Variants in CLEC16A observed in about 807,000 individuals in gnomAD.
The protein encoded by CLEC16A is C-type lectin domain containing 16A.
In CLEC16A, 51 loss-of-function variants were observed where a neutral mutation model predicts 109.5. The observed-to-expected ratio is 0.47, with a 90% CI of 0.37 to 0.59. CLEC16A has a LOEUF of 0.59. Ranked by LOEUF, CLEC16A falls within the 20% of genes least tolerant of loss-of-function variation. The pLI is 0.00. For synonymous variants in CLEC16A, 673 were observed against 564.2 expected, an observed-to-expected ratio of 1.19 and a Z score of -2.73; for missense variants, 1,339 against 1,394.0, an observed-to-expected ratio of 0.96 and a Z score of 0.63.
chr16:11,162,107 A>T lies in CLEC16A; in HGVS notation c.2642-4281A>T, dbSNP rs2092166699. On this transcript the variant is annotated intron_variant, in intron 22 of 23. Transcript: ENST00000409790. ...AATAGAAGACTGACCTTTTCTTGGTATTTTTGTGCTTCACAAATGCCAGAG... is the reference window on the plus strand; with the variant it reads ...AATAGAAGACTGACCTTTTCTTGGTTTTTTTGTGCTTCACAAATGCCAGAG... Among the ~76,000 whole-genome samples the T allele has an allele frequency of 2.0e-5, 3 of 152,196 alleles. 1 individual carries two copies. The South Asian group carries it at 6.2e-4, about 31-fold the overall frequency.
chr16:11,041,951 G>A (rs1362332352), intron 14 of CLEC16A: 5 of 295,940 alleles, frequency 1.7e-5, no homozygotes, highest in South Asian at 1.1e-4. Context: ...AAGGAAGTGG[G>A]GGTGCAGGGC....
At chr16:10,977,764 T>G (rs1293862773) in intron 8 of CLEC16A, among the ~76,000 whole-genome samples, 1 of 152,174 alleles carries the variant, frequency 6.6e-6, no homozygotes, top group East Asian at 1.9e-4. Context: ...GTGATACACC[T>G]GCCTGGGCCT....
chr16:10,986,040 TTTTTTTTTG>T (rs1423716481), intron 10 of CLEC16A, among the ~76,000 whole-genome samples: 59 of 53,586 alleles, frequency 1.1e-3, no homozygotes, highest in East Asian at 4.1e-3. Context: ...TTTTTTTTTT[TTTTTTTTTG>T]AGACTGAGTC....
intron 22 of CLEC16A, among the ~76,000 whole-genome samples, chr16:11,133,881 C>T (rs1236844390): frequency 6.6e-6 from 1 of 152,182 alleles, no homozygotes; most frequent in Non-Finnish European, 1.5e-5. Context: ...CAGCTCACTG[C>T]TTAGAGACTT....
Position 10,982,334 on chromosome 16 carries a change from C to G in CLEC16A, c.958-544C>G, listed in dbSNP as rs1453794812. Among the ~76,000 whole-genome samples, 3 of 152,170 alleles carry G rather than the reference C, an allele frequency of 2.0e-5. No homozygotes were observed. In the East Asian group the frequency reaches 5.8e-4, roughly 29 times the overall value. On this transcript the variant is annotated intron_variant, in intron 9 of 23. Coordinates refer to ENST00000409790, the MANE Select transcript of CLEC16A (RefSeq NM_015226.3). Reference sequence around the variant, plus strand: ...TTTCAGCCCCGTAGTTCACATACCTCCTGACGATGCTGTGGAATCCCCGTG... The same window carrying G: ...TTTCAGCCCCGTAGTTCACATACCTGCTGACGATGCTGTGGAATCCCCGTG...
At chr16:11,150,169 A>G (rs1023605327) in intron 22 of CLEC16A, 1 of 152,228 alleles carries the variant, frequency 6.6e-6, no homozygotes, top group African/African-American at 2.4e-5. Flanking sequence ...CGTAATACCT[A>G]TGTGTGCCCT....
At chr16:11,177,851 C>A (rs936264914) in intron 23 of CLEC16A, among the ~76,000 whole-genome samples, 2 of 149,946 alleles carry the variant, frequency 1.3e-5, no homozygotes, top group Non-Finnish European at 3.0e-5. Flanking sequence ...TACAGAATTT[C>A]CTTTTTTTTT....
chr16:11,141,186 C>T (rs1597538849), intron 22 of CLEC16A, among the ~76,000 whole-genome samples: 1 of 152,234 alleles, frequency 6.6e-6, no homozygotes, highest in South Asian at 2.1e-4. Context: ...AGTATTCTAG[C>T]CAGTGCTTTT....
chr16:11,142,488 C>CAACAGCTTT (rs1362800091), intron 22 of CLEC16A, among the ~76,000 whole-genome samples: 2 of 152,238 alleles, frequency 1.3e-5, no homozygotes, highest in Non-Finnish European at 2.9e-5. Context: ...TGTGATGTGT[C>CAACAGCTTT]AACAGCTTTT....
intron 11 of CLEC16A, among the ~76,000 whole-genome samples, chr16:11,005,836 G>T (rs1280336660): frequency 6.7e-6 from 1 of 150,354 alleles, no homozygotes; most frequent in Non-Finnish European, 1.5e-5. Context: ...TAGAAGATGC[G>T]AGATCTGACT....
At chr16:11,148,049 A>G (rs17673553) in intron 22 of CLEC16A, among the ~76,000 whole-genome samples, 28,267 of 152,142 alleles carry the variant, frequency 0.19, 3,357 homozygotes, top group South Asian at 0.27. Flanking sequence ...TTATGAGATA[A>G]GTTTGCATTT....
At chr16:11,068,098 A>G (rs1282211176) in intron 19 of CLEC16A, among the ~76,000 whole-genome samples, 2 of 152,132 alleles carry the variant, frequency 1.3e-5, no homozygotes, top group African/African-American at 4.8e-5. Flanking sequence ...ATCCTAGACA[A>G]ATGCAGACCG....
chr16:11,098,744 A>G (rs13339587), intron 19 of CLEC16A, among the ~76,000 whole-genome samples: 1 of 152,134 alleles, frequency 6.6e-6, no homozygotes, highest in Non-Finnish European at 1.5e-5. Context: ...CAGCCTTTCC[A>G]GTTGCCTGCA....
intron 11 of CLEC16A, among the ~76,000 whole-genome samples, chr16:11,016,714 T>C (rs527671059): frequency 1.3e-5 from 2 of 152,346 alleles, no homozygotes; most frequent in African/African-American, 4.8e-5. Flanking sequence ...TTGACTCACT[T>C]GTTTTTTTCC....
chr16:11,128,075 T>C (rs2052952255), intron 22 of CLEC16A, among the ~76,000 whole-genome samples: 1 of 152,186 alleles, frequency 6.6e-6, no homozygotes, highest in Non-Finnish European at 1.5e-5. Context: ...TAAGTACAAA[T>C]TGACCTGGTA....
At chr16:11,054,949 TC>T in intron 18 of CLEC16A, among the ~76,000 whole-genome samples, 1 of 122,322 alleles carries the variant, frequency 8.2e-6, no homozygotes. Flanking sequence ...TTTTTTTTTT[TC>T]CACCAAGTAG....
chr16:11,092,689 T>C (rs528338681), intron 19 of CLEC16A, among the ~76,000 whole-genome samples: 2 of 152,234 alleles, frequency 1.3e-5, no homozygotes, highest in Non-Finnish European at 2.9e-5. Flanking sequence ...TCCTTCCTTT[T>C]GTTCGTGGCA....
rs776485802 is a variant in CLEC16A, at chr16:10,954,383, C to G, written c.81-3399C>G. Among the ~76,000 whole-genome samples the G allele has an allele frequency of 2.0e-5, 3 of 152,174 alleles. No individual in the cohort carries two copies. The highest frequency in any genetic ancestry group is 7.2e-5 in the African/African-American group (3 of 41,432). ...TTTTCAGGACTTACCGCCCTGCCCTCTCTGCCTATAAGGGCCTTCTGGTAG... is the reference window on the plus strand; with the variant it reads ...TTTTCAGGACTTACCGCCCTGCCCTGTCTGCCTATAAGGGCCTTCTGGTAG... On this transcript the variant is annotated intron_variant, in intron 1 of 23. Coordinates refer to ENST00000409790, the MANE Select transcript of CLEC16A (RefSeq NM_015226.3). This position sits in a 1 kb window ranked among gnomAD's most constrained non-coding sequence, Gnocchi z 4.2.
intron 10 of CLEC16A, among the ~76,000 whole-genome samples, chr16:10,999,321 GT>G (rs2044520691): frequency 6.6e-6 from 1 of 152,200 alleles, no homozygotes; most frequent in African/African-American, 2.4e-5. Context: ...GCTTGTGTGG[GT>G]GTGTACACAG....
Sources: gnomAD v4.1 joint callset for allele counts (sites outside exome capture counted in the v4.1 genomes callset) on GRCh38, gnomAD v4.1.1 for gene constraint, Gnocchi (gnomAD v3.1) non-coding constraint, MANE v1.5 for transcripts, NCBI Gene and HGNC (gene_info 2026-07-23, HGNC 2026-07-21) for gene names.